Variants in VAV2 observed in about 807,000 individuals in gnomAD.
The protein encoded by VAV2 is vav guanine nucleotide exchange factor 2.
In VAV2, 67 loss-of-function variants were observed where a neutral mutation model predicts 132.5. The observed-to-expected ratio is 0.51, with a 90% CI of 0.42 to 0.62. The LOEUF is 0.62. Ranked by LOEUF, VAV2 falls within the 20% of genes least tolerant of loss-of-function variation. The probability of loss-of-function intolerance (pLI) is 0.00; values close to 1 mark genes in which losing one functional copy is unlikely to be tolerated. For synonymous variants in VAV2, 492 were observed against 443.5 expected (o/e 1.11, Z -1.37); for missense variants, 938 against 1,153.6 (o/e 0.81, Z 2.71).
intron 11 of VAV2, among the ~76,000 whole-genome samples, chr9:133,796,075 C>T (rs1834701026): frequency 6.6e-6 from 1 of 152,260 alleles, no homozygotes; most frequent in Non-Finnish European, 1.5e-5. Flanking sequence ...CCACCGCCTT[C>T]CCTCCCAGGT....
At chr9:133,859,725 C>A (rs1422349769) in intron 3 of VAV2, among the ~76,000 whole-genome samples, 1 of 151,912 alleles carries the variant, frequency 6.6e-6, no homozygotes, top group Admixed American at 6.6e-5. Flanking sequence ...GAGAAGGAAC[C>A]ATCATTTCTG....
At position 133,810,348 on chromosome 9, in the gene VAV2, C is replaced by T. The variant is rs1835313394; in HGVS notation, c.553-143G>A. 3.9e-5 allele frequency: 53 copies of T among 1,364,968 alleles called. No individual in the cohort carries two copies. The South Asian group carries it at 6.7e-4, about 17-fold the overall frequency. The allele number at this position is 1,364,968 out of a possible 1,614,324, so 84.6% of individuals were successfully genotyped here. On this transcript the variant is annotated intron_variant, in intron 5 of 29. Transcript: ENST00000371850. ...CCACATCACGGCCCCTCGTGCTGCC[C>T]AGCTGGGCAGGGCGATGGCTCATGG...
At chr9:133,952,810 A>G (rs1230843322) in intron 1 of VAV2, among the ~76,000 whole-genome samples, 1 of 152,118 alleles carries the variant, frequency 6.6e-6, no homozygotes, top group Non-Finnish European at 1.5e-5. Context: ...CCTCTCCTAG[A>G]GCCTGCAGAG....
At chr9:133,861,710 A>G (rs1488886956) in intron 2 of VAV2, among the ~76,000 whole-genome samples, 1 of 152,152 alleles carries the variant, frequency 6.6e-6, no homozygotes, top group Non-Finnish European at 1.5e-5. Context: ...CTCACCCAGA[A>G]AGGGTCTGTT....
In VAV2 at chr9:133,991,921, G is replaced by A. The variant is rs1041183717; in HGVS notation, c.204+154C>T. The stretch of plus-strand genomic sequence containing the variant: ...CCTGAGGTCGCGTCTCGGAGGCCCG[G>A]GGCGCACCCTCCAGCCGCCCGCCCG... On this transcript the variant is annotated intron_variant, in intron 1 of 29. Transcript: ENST00000371850. This position sits in a 1 kb window ranked among gnomAD's most constrained non-coding sequence, Gnocchi z 4.8. 1.5e-3 allele frequency among the ~76,000 whole-genome samples: 230 copies of A among 150,672 alleles called. 2 individuals are homozygous for A. The highest frequency in any genetic ancestry group is 2.2e-3 in the Non-Finnish European group (147 of 67,528).
rs1290224849 is a variant in VAV2 at position 133,928,740 on chromosome 9, A to G, written c.321+10363T>C. On this transcript the variant is annotated intron_variant, in intron 2 of 29. Coordinates refer to ENST00000371850, the MANE Select transcript of VAV2 (RefSeq NM_001134398.2). This position sits in a 1 kb window ranked among gnomAD's most constrained non-coding sequence, Gnocchi z 5.4. ...CCTGGCCAGACAGAGCCTGCGGGACACATTCATCAACGCAGATGTAAAATG... is the reference window on the plus strand; with the variant it reads ...CCTGGCCAGACAGAGCCTGCGGGACGCATTCATCAACGCAGATGTAAAATG... Among the ~76,000 whole-genome samples the G allele has an allele frequency of 6.6e-6, 1 of 152,226 alleles. No homozygotes were observed. The highest frequency in any genetic ancestry group is 1.5e-5 in the Non-Finnish European group (1 of 68,028).
chr9:133,770,330 C>G, intron 27 of VAV2, 48 bp downstream of exon 27: 5 of 1,610,694 alleles, frequency 3.1e-6, no homozygotes, highest in Non-Finnish European at 3.4e-6. Context: ...TGGGCCAGGG[C>G]AGACCCCTCC....
chr9:133,897,018 C>T (rs1189372018), intron 2 of VAV2, among the ~76,000 whole-genome samples: 1 of 152,016 alleles, frequency 6.6e-6, no homozygotes, highest in African/African-American at 2.4e-5. Flanking sequence ...GGTGTGAACC[C>T]GGGAGGCGGA....
intron 9 of VAV2, among the ~76,000 whole-genome samples, chr9:133,803,984 G>C (rs1173459186): frequency 6.6e-6 from 1 of 152,038 alleles, no homozygotes; most frequent in African/African-American, 2.4e-5. Flanking sequence ...CAGCCCTCAC[G>C]GGTCTCCTGG....
intron 1 of VAV2, among the ~76,000 whole-genome samples, chr9:133,949,938 T>C (rs1387658890): frequency 6.6e-6 from 1 of 152,222 alleles, no homozygotes; most frequent in Non-Finnish European, 1.5e-5. Flanking sequence ...TGCAGCCTGA[T>C]TTCCAAACGA....
intron 2 of VAV2, among the ~76,000 whole-genome samples, chr9:133,882,859 G>A (rs756841270): frequency 1.3e-5 from 2 of 152,190 alleles, no homozygotes; most frequent in Non-Finnish European, 2.9e-5. Context: ...ACTGAGACAG[G>A]ACCCCCAGGG....
In VAV2 at chr9:133,912,795, A is replaced by G. The variant is rs1363852437; in HGVS notation, c.321+26308T>C. ...CTTGTTCAGCCCCTCTAAAATCACA[A>G]TCGTCCTGTCCTCGTTCCGTCCCTC... On this transcript the variant is annotated intron_variant, in intron 2 of 29. Coordinates refer to ENST00000371850, the MANE Select transcript of VAV2 (RefSeq NM_001134398.2). The surrounding 1 kb of genome is among the most constrained non-coding windows in gnomAD (Gnocchi z 4.3). Among the ~76,000 whole-genome samples, 3 of 152,068 alleles carry G rather than the reference A, an allele frequency of 2.0e-5. No individual in the cohort carries two copies. The highest frequency in any genetic ancestry group is 4.8e-5 in the African/African-American group (2 of 41,398).
chr9:133,796,798 G>A (rs1330891927), intron 10 of VAV2, among the ~76,000 whole-genome samples: 3 of 152,206 alleles, frequency 2.0e-5, no homozygotes, highest in Admixed American at 6.5e-5. Context: ...CTCTCGGGGC[G>A]CCTGCTGGGC....
chr9:133,904,666 C>G (rs1839574482), intron 2 of VAV2, among the ~76,000 whole-genome samples: 1 of 152,236 alleles, frequency 6.6e-6, no homozygotes, highest in Admixed American at 6.5e-5. Context: ...AGCAACCGGC[C>G]ACGGGGCCGT....
At chr9:133,936,845 G>T (rs999295366) in intron 2 of VAV2, among the ~76,000 whole-genome samples, 2 of 152,152 alleles carry the variant, frequency 1.3e-5, no homozygotes, top group African/African-American at 2.4e-5. Flanking sequence ...TGACCGCCAC[G>T]GTGAGACATG....
rs568744556 is a variant in VAV2 at position 133,918,487 on chromosome 9, TC to T, written c.321+20615del. ...TTCTCGGTGGCACCCATTGTAAGAG[TC>T]AGCCTGGAATCTCTGAGCCCCAACT... On this transcript the variant is annotated intron_variant, in intron 2 of 29. Coordinates refer to ENST00000371850, the MANE Select transcript of VAV2 (RefSeq NM_001134398.2). The surrounding 1 kb of genome is among the most constrained non-coding windows in gnomAD (Gnocchi z 4.7). Among the ~76,000 whole-genome samples, 249 of 138,448 alleles carry T rather than the reference TC, an allele frequency of 1.8e-3. 4 individuals are homozygous for T. In the South Asian group the frequency reaches 0.033, roughly 18 times the overall value. The allele number at this position is 138,448 out of a possible 152,430, so 90.8% of individuals were successfully genotyped here.
chr9:133,905,854 T>C (rs1423403516), intron 2 of VAV2, among the ~76,000 whole-genome samples: 3 of 143,210 alleles, frequency 2.1e-5, no homozygotes, highest in Non-Finnish European at 3.0e-5. Flanking sequence ...CTGGGTAACG[T>C]GGCGAAACCC....
chr9:133,964,021 T>TTATA, intron 1 of VAV2, among the ~76,000 whole-genome samples: 2 of 25,374 alleles, frequency 7.9e-5, no homozygotes, highest in Admixed American at 4.8e-4. Flanking sequence ...AATTATTCAT[T>TTATA]CATATATATA....
chr9:133,987,576 G>A (rs1244350136), intron 1 of VAV2, among the ~76,000 whole-genome samples: 1 of 152,260 alleles, frequency 6.6e-6, no homozygotes, highest in African/African-American at 2.4e-5. Flanking sequence ...GTGGGGGACA[G>A]ACTCTGGCAG....
Sources: gnomAD v4.1 joint callset for allele counts (sites outside exome capture counted in the v4.1 genomes callset) on GRCh38, gnomAD v4.1.1 for gene constraint, Gnocchi (gnomAD v3.1) non-coding constraint, MANE v1.5 for transcripts, NCBI Gene and HGNC (gene_info 2026-07-23, HGNC 2026-07-21) for gene names.